Variants in MIA3 observed in about 807,000 individuals in gnomAD.
The protein encoded by MIA3 is MIA SH3 domain ER export factor 3.
Under a neutral mutation model 192.4 loss-of-function variants are expected in MIA3, and 90 were observed. The observed-to-expected ratio is 0.47, with a 90% CI of 0.39 to 0.56. The LOEUF is 0.56. Ranked by LOEUF, MIA3 falls within the 20% of genes least tolerant of loss-of-function variation. The probability of loss-of-function intolerance (pLI) is 0.00; values close to 1 mark genes in which losing one functional copy is unlikely to be tolerated. For missense variants in MIA3, 2,123 were observed against 2,269.4 expected (o/e 0.94, Z 1.31); for synonymous variants, 740 against 792.8 (o/e 0.93, Z 1.12).
intron 6 of MIA3, among the ~76,000 whole-genome samples, chr1:222,637,684 ATTTT>A (rs112135138): frequency 5.2e-5 from 4 of 76,382 alleles, no homozygotes; most frequent in South Asian, 3.8e-4. Context: ...ATCAAGAATA[ATTTT>A]TTTTTTTTTT....
intron 26 of MIA3, among the ~76,000 whole-genome samples, chr1:222,663,554 G>A (rs920917292): frequency 2.0e-5 from 3 of 152,174 alleles, no homozygotes; most frequent in African/African-American, 7.2e-5. Context: ...TATATGTAGG[G>A]CCTACAGAAG....
At chr1:222,662,781 G>A (rs1664090672) in intron 26 of MIA3, 1 of 164,436 alleles carries the variant, frequency 6.1e-6, no homozygotes, top group African/African-American at 2.4e-5. Flanking sequence ...TAAATTCATT[G>A]TAAATTGTGT....
At chr1:222,663,193 A>G (rs1305967475) in intron 26 of MIA3, among the ~76,000 whole-genome samples, 1 of 152,230 alleles carries the variant, frequency 6.6e-6, no homozygotes. Flanking sequence ...CTGTGCCTGT[A>G]TAATTTGTGT....
chr1:222,618,600 A>G (rs544033054), intron 1 of MIA3, among the ~76,000 whole-genome samples: 285 of 151,824 alleles, frequency 1.9e-3, no homozygotes, highest in Middle Eastern at 3.4e-3. Flanking sequence ...CACCCCCCCA[A>G]TCCGCCTGGG....
intron 27 of MIA3, 53 bp downstream of exon 27, chr1:222,664,201 C>T (rs1401729165): frequency 1.2e-5 from 19 of 1,582,132 alleles, no homozygotes; most frequent in Non-Finnish European, 1.5e-5. Flanking sequence ...TCATCTTCTC[C>T]ATCTATCCCT....
rs1012108136 is a variant in MIA3 at position 222,667,745 on chromosome 1, A to C, written c.*2126A>C. ...TCAGCCAAATCACTTTTCCATCTCTAAAGTTTCATCTATTTTGGAAGTCAT... is the reference window on the plus strand; with the variant it reads ...TCAGCCAAATCACTTTTCCATCTCTCAAGTTTCATCTATTTTGGAAGTCAT... On this transcript the variant is annotated 3_prime_UTR_variant, in exon 28 of 28. Transcript: ENST00000344922. 1 of 152,174 alleles carries C rather than the reference A, an allele frequency of 6.6e-6. No homozygotes were observed. The highest frequency in any genetic ancestry group is 2.1e-4 in the South Asian group (1 of 4,824). The allele number at this position is 152,174 out of a possible 1,614,324, so 9.4% of individuals were successfully genotyped here. A position where few individuals can be genotyped will look rare whatever the true frequency, so the allele number is the denominator to read the frequency against.
At chr1:222,633,705 A>G (rs942759658) in intron 6 of MIA3, among the ~76,000 whole-genome samples, 1 of 152,086 alleles carries the variant, frequency 6.6e-6, no homozygotes, top group African/African-American at 2.4e-5. Context: ...GAGTTGTCAA[A>G]TAGAAGGGCT....
intron 6 of MIA3, 58 bp from the exon 7 acceptor site, chr1:222,645,496 T>C (rs1663095883): frequency 6.0e-6 from 9 of 1,496,068 alleles, no homozygotes; most frequent in Middle Eastern, 3.4e-4. Flanking sequence ...TTGTGACTGC[T>C]TTATGGTAAG....
rs751376016 is a variant in MIA3, at chr1:222,632,221, G to T, written c.3226G>T (p.Val1076Leu). The T allele has an allele frequency of 6.2e-7, 1 of 1,614,178 alleles. No homozygotes were observed. Residue 1076 changes from valine to leucine, a missense_variant, in exon 5 of 28, where the codon GTG becomes TTG. Coordinates refer to ENST00000344922, the MANE Select transcript of MIA3 (RefSeq NM_198551.4). ...FSREKTAELN[V>L]QVPEEPTHLD... is the part of the protein sequence containing the mutation. The stretch of plus-strand genomic sequence containing the variant: ...ACGAGAGAAGACAGCAGAACTTAAT[G>T]TGCAGGTTCCTGAAGAACCCACCCA...
rs774971234 is a variant in MIA3, at chr1:222,664,156, G to T, written c.5413+8G>T. The T allele has an allele frequency of 6.8e-6, 11 of 1,613,800 alleles. No homozygotes were observed. The African/African-American group carries it at 1.5e-4, about 22-fold the overall frequency. On this transcript the variant is annotated splice_region_variant and intron_variant, in intron 27 of 27. Transcript: ENST00000344922. Reference sequence around the variant, plus strand: ...CACTTCCTCCACCCTTTGGTAAGATGATCTGAACAGTAGTAATTGACTTGT... The same window carrying T: ...CACTTCCTCCACCCTTTGGTAAGATTATCTGAACAGTAGTAATTGACTTGT...
At chr1:222,618,807 C>T (rs1358970964) in intron 1 of MIA3, among the ~76,000 whole-genome samples, 5 of 152,174 alleles carry the variant, frequency 3.3e-5, no homozygotes, top group Non-Finnish European at 5.9e-5. Context: ...CTCCTTTGCC[C>T]TTCTGCTTTA....
chr1:222,618,121 C>T lies in MIA3; in HGVS notation c.11C>T (p.Ala4Val), dbSNP rs773969123. 1.3e-6 allele frequency: 2 copies of T among 1,495,356 alleles called. No individual in the cohort carries two copies. The highest frequency in any genetic ancestry group is 8.9e-7 in the Non-Finnish European group (1 of 1,125,988). 92.6% of individuals were successfully genotyped at this position (1,495,356 alleles called of 1,614,324 possible). A position where few individuals can be genotyped will look rare whatever the true frequency, so the allele number is the denominator to read the frequency against. The change falls in exon 1 of 28, where the codon GCG (alanine) becomes GTG (valine). Residue 4 changes from alanine to valine, a missense_variant. By Grantham distance (64) the Ala-to-Val change is moderately conservative. Around this residue, in one of 3 missense-constraint regions of MIA3, gnomAD observed 1,357 missense variants for 1,396.1 expected, o/e 0.97. Coordinates refer to ENST00000344922, the MANE Select transcript of MIA3 (RefSeq NM_198551.4). MAA[A>V]PGLLVWLLVL... ...CGAGGTGACCACAACATGGCTGCGG[C>T]GCCTGGGCTGCTCGTCTGGCTGCTC... is the stretch of plus-strand genomic sequence containing the variant.
chr1:222,631,706 G>A lies in MIA3; in HGVS notation c.3170-459G>A, dbSNP rs73124820. ...GGCTTCACTTTGTTTGACTCTTAGA[G>A]GTACTTTGAAAGTATTCGAAAGACA... On this transcript the variant is annotated intron_variant, in intron 4 of 27. Coordinates refer to ENST00000344922, the MANE Select transcript of MIA3 (RefSeq NM_198551.4). 1.9e-3 allele frequency among the ~76,000 whole-genome samples: 292 copies of A among 152,268 alleles called. 1 individual carries two copies. Among genetic ancestry groups the A allele is most frequent in the African/African-American group, 6.6e-3 (273 of 41,558 alleles).
At chr1:222,636,629 T>C (rs3008623) in intron 6 of MIA3, among the ~76,000 whole-genome samples, 150,866 of 151,656 alleles carry the variant, frequency 0.99, 75,044 homozygotes, top group Middle Eastern at 1. Flanking sequence ...TCTCCTGCCT[T>C]AGCCTCCCAA....
At chr1:222,649,066 G>C (rs1285077665) in intron 8 of MIA3, among the ~76,000 whole-genome samples, 1 of 152,158 alleles carries the variant, frequency 6.6e-6, no homozygotes, top group Non-Finnish European at 1.5e-5. Context: ...TGTGGGAGTA[G>C]GGAGAAGATC....
chr1:222,653,412 C>A, intron 15 of MIA3, 73 bp downstream of exon 15: 1 of 914,750 alleles, frequency 1.1e-6, no homozygotes, highest in Non-Finnish European at 1.7e-6. Context: ...TACTTTTCAG[C>A]TGGCTGCATT....
In MIA3 at chr1:222,641,633, C is replaced by T. The variant is rs1325870221; in HGVS notation, c.3478-3921C>T. 4 of 532,022 alleles carry T rather than the reference C, an allele frequency of 7.5e-6. No individual in the cohort carries two copies. The Admixed American group carries it at 7.7e-5, about 10-fold the overall frequency. 33.0% of individuals were successfully genotyped at this position (532,022 alleles called of 1,614,324 possible). On this transcript the variant is annotated intron_variant, in intron 6 of 27. Transcript: ENST00000344922. ...CCTACATCAATGAGCACATGTTCCACATCATGCAGCTTCTCAGGGACATAT... is the reference window on the plus strand; with the variant it reads ...CCTACATCAATGAGCACATGTTCCATATCATGCAGCTTCTCAGGGACATAT...
In MIA3 at chr1:222,647,872, T is replaced by G. The variant is rs1265823524; in HGVS notation, c.3610-957T>G. 3 of 365,250 alleles carry G rather than the reference T, an allele frequency of 8.2e-6. No individual in the cohort carries two copies. In the East Asian group the frequency reaches 2.5e-4, roughly 30 times the overall value. The allele number at this position is 365,250 out of a possible 1,614,324, so 22.6% of individuals were successfully genotyped here. A position where few individuals can be genotyped will look rare whatever the true frequency, so the allele number is the denominator to read the frequency against. ...TTCTGAATGCATATTCCTATAACAA[T>G]GGTATTATAAGTGAGATTTAGATAC... On this transcript the variant is annotated intron_variant, in intron 7 of 27. Transcript: ENST00000344922.
rs761929438 is a variant in MIA3 at position 222,654,740 on chromosome 1, G to A, written c.4554G>A (p.Gln1518=). 21 of 1,614,064 alleles carry A rather than the reference G, an allele frequency of 1.3e-5. No individual in the cohort carries two copies. The South Asian group carries it at 2.2e-4, about 17-fold the overall frequency. Reference sequence around the variant, plus strand: ...AAGATGAATGCAAAACCTTGAGGCAGAAAGTGGAGATTCTGAATGAGCTCT... The same window carrying A: ...AAGATGAATGCAAAACCTTGAGGCAAAAAGTGGAGATTCTGAATGAGCTCT... ...GLEDECKTLR[Q]KVEILNELYQ... is the part of the protein sequence containing the mutation. Residue 1518 remains glutamine, a synonymous_variant, in exon 18 of 28, where the codon CAG becomes CAA. Transcript: ENST00000344922.
Sources: allele counts gnomAD v4.1 joint callset (sites outside exome capture counted in the v4.1 genomes callset), GRCh38; gene constraint gnomAD v4.1.1; regional missense constraint gnomAD v4.1.1; transcripts MANE v1.5; gene names NCBI Gene and HGNC (gene_info 2026-07-23, HGNC 2026-07-21).